TXNDC12: variants seen among roughly 807,000 people sequenced by gnomAD.
The protein encoded by TXNDC12 is thioredoxin domain-containing protein 12.
A neutral mutation model predicts 24.2 loss-of-function variants in TXNDC12; 22 were observed. The ratio of observed to expected loss-of-function variants is 0.91; its 90% CI spans 0.65 to 1.30. The LOEUF is 1.30. Among genes scored for constraint, TXNDC12 ranks in the 50% most tolerant of loss-of-function variants. TXNDC12 has a pLI of 0.00. For missense variants in TXNDC12, 184 were observed against 205.8 expected, an observed-to-expected ratio of 0.89 and a Z score of 0.65; for synonymous variants, 58 against 73.4, an observed-to-expected ratio of 0.79 and a Z score of 1.07.
At chr1:52,051,172 G>T (rs932269275) in intron 1 of TXNDC12, among the ~76,000 whole-genome samples, 1 of 152,144 alleles carries the variant, frequency 6.6e-6, no homozygotes, top group Non-Finnish European at 1.5e-5. Context: ...GTAAATATTG[G>T]TCACTACTTC....
At chr1:52,054,216 GAA>G (rs11424215) in intron 1 of TXNDC12, among the ~76,000 whole-genome samples, 2 of 143,596 alleles carry the variant, frequency 1.4e-5, no homozygotes. Context: ...TAAGGTCAGT[GAA>G]AAAAAAAAAA....
chr1:52,033,475 C>A (rs768616138), intron 2 of TXNDC12: 1 of 1,613,408 alleles, frequency 6.2e-7, no homozygotes, highest in Non-Finnish European at 8.5e-7. Context: ...GCGCGCCGCC[C>A]GTGCCAGGCA....
At chr1:52,046,865 AAATATAT>A (rs1315981792) in intron 1 of TXNDC12, among the ~76,000 whole-genome samples, 6,558 of 30,114 alleles carry the variant, frequency 0.22, 174 homozygotes, top group South Asian at 0.33. Context: ...AAAAAAAAAA[AAATATAT>A]ATATATATAT....
At chr1:52,022,327 C>T (rs1685609356) in intron 6 of TXNDC12, among the ~76,000 whole-genome samples, 1 of 152,140 alleles carries the variant, frequency 6.6e-6, no homozygotes, top group African/African-American at 2.4e-5. Flanking sequence ...CCCCTGCCTC[C>T]AGAATGACTG....
At chr1:52,025,196 A>T (rs1685655199) in intron 4 of TXNDC12, among the ~76,000 whole-genome samples, 1 of 151,872 alleles carries the variant, frequency 6.6e-6, no homozygotes, top group African/African-American at 2.4e-5. Context: ...CTCCCAGGAG[A>T]TTAAAAACCT....
intron 4 of TXNDC12, among the ~76,000 whole-genome samples, chr1:52,025,859 T>TCACACTCTCACCCAGGCTGGAGTGC (rs1685664700): frequency 6.6e-6 from 1 of 151,666 alleles, no homozygotes; most frequent in African/African-American, 2.4e-5. Context: ...AGATGGAGTT[T>TCACACTCTCACCCAGGCTGGAGTGC]CACTCTCTCA....
chr1:52,050,050 G>A (rs1308633149), intron 1 of TXNDC12, among the ~76,000 whole-genome samples: 1 of 152,136 alleles, frequency 6.6e-6, no homozygotes, highest in Non-Finnish European at 1.5e-5. Flanking sequence ...GCCACTAAGT[G>A]GCAGAGCTGG....
intron 2 of TXNDC12, among the ~76,000 whole-genome samples, chr1:52,038,314 TG>T (rs1685921207): frequency 6.7e-6 from 1 of 149,364 alleles, no homozygotes; most frequent in Non-Finnish European, 1.5e-5. Context: ...TCCTGTATCT[TG>T]TTTTTTTTTT....
chr1:52,042,485 TAG>T (rs1686011408), intron 1 of TXNDC12, among the ~76,000 whole-genome samples: 1 of 150,332 alleles, frequency 6.7e-6, no homozygotes, highest in Admixed American at 6.7e-5. Flanking sequence ...TTTTTTGAGA[TAG>T]AGTCTCTCTG....
chr1:52,024,370 A>G, intron 5 of TXNDC12, 140 bp downstream of exon 5: 1 of 646,200 alleles, frequency 1.5e-6, no homozygotes, highest in Non-Finnish European at 2.7e-6. Flanking sequence ...AGCATTCAGA[A>G]CTCCCCCACT....
intron 2 of TXNDC12, chr1:52,033,531 G>T (rs535985985): frequency 6.2e-7 from 1 of 1,614,004 alleles, no homozygotes; most frequent in East Asian, 2.2e-5. Context: ...GCGAGTCCAG[G>T]ATGACCACGT....
At chr1:52,049,416 C>T (rs1420215017) in intron 1 of TXNDC12, among the ~76,000 whole-genome samples, 3 of 152,046 alleles carry the variant, frequency 2.0e-5, no homozygotes, top group Admixed American at 2.0e-4. Context: ...ACAGTGAAAC[C>T]CCGTCTCTAC....
chr1:52,022,797 C>T lies in TXNDC12; in HGVS notation c.439+694G>A, dbSNP rs182408692. Among the ~76,000 whole-genome samples, 14 of 151,484 alleles carry T rather than the reference C, an allele frequency of 9.2e-5. No individual in the cohort carries two copies. The East Asian group carries it at 9.7e-4, about 10-fold the overall frequency. On this transcript the variant is annotated intron_variant, in intron 6 of 6. Coordinates refer to ENST00000371626, the MANE Select transcript of TXNDC12 (RefSeq NM_015913.4). The stretch of plus-strand genomic sequence containing the variant: ...CTGGGACTACAGGCACCTGCCACCA[C>T]GCCAGCTAATTTTTTGTATTTTTAG...
chr1:52,035,504 C>T (rs889151130), intron 2 of TXNDC12, among the ~76,000 whole-genome samples: 5 of 152,010 alleles, frequency 3.3e-5, no homozygotes, highest in African/African-American at 1.2e-4. Flanking sequence ...GTCAGGAGCT[C>T]GAGACCAGTC....
chr1:52,024,378 A>C, intron 5 of TXNDC12, 132 bp downstream of exon 5: 1 of 691,984 alleles, frequency 1.4e-6, no homozygotes, highest in Non-Finnish European at 2.5e-6. Context: ...GAACTCCCCC[A>C]CTCTCTCTTG....
chr1:52,021,003 C>T lies in TXNDC12; in HGVS notation c.449G>A (p.Gly150Glu). The change falls in exon 7 of 7, where the codon GGG becomes GAG. Residue 150 changes from glycine (G) to glutamate (E), a missense_variant. Transcript: ENST00000371626. ...CAGCCTTTCCTGAGCTTCCTTCATC[C>T]CCTGAACAACTGTGAAATAAAGATT... ...FYVSAEQVVQ[G>E]MKEAQERLTG... 1 of 1,613,210 alleles carries T rather than the reference C, an allele frequency of 6.2e-7. No individual in the cohort carries two copies. Among genetic ancestry groups the T allele is most frequent in the African/African-American group, 1.3e-5 (1 of 75,008 alleles).
chr1:52,035,805 A>G (rs372502927), intron 2 of TXNDC12, among the ~76,000 whole-genome samples: 3 of 152,190 alleles, frequency 2.0e-5, no homozygotes, highest in African/African-American at 7.2e-5. Context: ...GTCTGTGCAT[A>G]AACTAAACCT....
At chr1:52,044,375 G>T (rs997581175) in intron 1 of TXNDC12, 1 of 152,208 alleles carries the variant, frequency 6.6e-6, no homozygotes, top group Non-Finnish European at 1.5e-5. Context: ...GTGATTCCAC[G>T]TGAGTGGTAC....
intron 1 of TXNDC12, among the ~76,000 whole-genome samples, chr1:52,046,866 A>AATATATATATAT (rs869028968): frequency 1.4e-3 from 42 of 30,158 alleles, no homozygotes; most frequent in East Asian, 2.6e-3. Flanking sequence ...AAAAAAAAAA[A>AATATATATATAT]ATATATATAT....
Sources: gnomAD v4.1 joint callset for allele counts (sites outside exome capture counted in the v4.1 genomes callset) on GRCh38, gnomAD v4.1.1 for gene constraint, MANE v1.5 for transcripts, NCBI Gene and HGNC (gene_info 2026-07-23, HGNC 2026-07-21) for gene names.